The following COMMD9 variants were observed in gnomAD, a reference collection of about 807,000 sequenced individuals.
COMMD9 encodes the protein COMM domain containing 9.
COMMD9 carries 22 observed loss-of-function variants against 23.4 expected under a neutral mutation model. The observed-to-expected ratio is 0.94, with a 90% CI of 0.67 to 1.34. The LOEUF is 1.34. COMMD9 is among the 40% of genes most tolerant of loss of function. The pLI is 0.00. For missense variants in COMMD9, 231 were observed against 240.2 expected (o/e 0.96, Z 0.25); for synonymous variants, 99 against 97.4 (o/e 1.02, Z -0.10).
At chr11:36,289,339 C>G (rs1856227814) in intron 1 of COMMD9, 23 bp downstream of exon 1, 1 of 1,548,574 alleles carries the variant, frequency 6.5e-7, no homozygotes, top group South Asian at 1.2e-5. Context: ...CCACCTCACG[C>G]TGTCCCCACC....
At chr11:36,286,115 A>G (rs943430563) in intron 1 of COMMD9, among the ~76,000 whole-genome samples, 2 of 152,234 alleles carry the variant, frequency 1.3e-5, no homozygotes, top group Admixed American at 1.3e-4. Flanking sequence ...TGTAAATAAC[A>G]TGATTTTCCA....
intron 2 of COMMD9, among the ~76,000 whole-genome samples, chr11:36,279,175 G>A (rs1014621052): frequency 6.6e-6 from 1 of 152,190 alleles, no homozygotes; most frequent in Admixed American, 6.5e-5. Flanking sequence ...ATCCAGGGTG[G>A]TAGGATTCAT....
chr11:36,276,953 C>CCACCATACA, intron 4 of COMMD9, 136 bp downstream of exon 4: 2 of 536,696 alleles, frequency 3.7e-6, no homozygotes, highest in Non-Finnish European at 3.0e-6. Context: ...GGGAAAAAAC[C>CCACCATACA]CACCATACAC....
intron 2 of COMMD9, 31 bp downstream of exon 2, chr11:36,280,681 G>C: frequency 6.5e-7 from 1 of 1,538,302 alleles, no homozygotes; most frequent in Non-Finnish European, 8.8e-7. Flanking sequence ...AAGAGGGCCA[G>C]TGGCCAAAGA....
At chr11:36,285,189 TC>T (rs1856131140) in intron 1 of COMMD9, among the ~76,000 whole-genome samples, 1 of 152,052 alleles carries the variant, frequency 6.6e-6, no homozygotes, top group Non-Finnish European at 1.5e-5. Context: ...TTATCACAGA[TC>T]CTGCAGACAT....
At chr11:36,281,034 A>G (rs116142995) in intron 1 of COMMD9, among the ~76,000 whole-genome samples, 197 bp from the exon 2 acceptor site, 169 of 152,332 alleles carry the variant, frequency 1.1e-3, no homozygotes, top group African/African-American at 3.8e-3. Context: ...AACTTTGGAC[A>G]TATACAGAAA....
chr11:36,279,167 C>G (rs1276351878), intron 2 of COMMD9, among the ~76,000 whole-genome samples: 1 of 152,130 alleles, frequency 6.6e-6, no homozygotes, highest in Non-Finnish European at 1.5e-5. Flanking sequence ...GGTCTTGAAT[C>G]CAGGGTGGTA....
chr11:36,287,046 A>T (rs1856170589), intron 1 of COMMD9, among the ~76,000 whole-genome samples: 1 of 151,450 alleles, frequency 6.6e-6, no homozygotes, highest in Non-Finnish European at 1.5e-5. Flanking sequence ...AGTATGCTAT[A>T]TATGTATACT....
At chr11:36,286,618 A>C (rs769064953) in intron 1 of COMMD9, among the ~76,000 whole-genome samples, 17 of 151,894 alleles carry the variant, frequency 1.1e-4, no homozygotes, top group Non-Finnish European at 1.8e-4. Context: ...ACAAACAAAC[A>C]AACCAAAAAA....
chr11:36,272,573 G>A lies in COMMD9; in HGVS notation c.*2059C>T, dbSNP rs976095218. ...AGCTCAACTGGAGGGTATGACCAGG[G>A]GCTCTCAACTTGGAAGTAGCGGGCT... On this transcript the variant is annotated 3_prime_UTR_variant, in exon 6 of 6. Transcript: ENST00000263401. 2 of 152,236 alleles carry A rather than the reference G, an allele frequency of 1.3e-5. No individual in the cohort carries two copies. The highest frequency in any genetic ancestry group is 1.3e-4 in the Admixed American group (2 of 15,282). 9.4% of individuals were successfully genotyped at this position (152,236 alleles called of 1,614,324 possible).
In COMMD9 at chr11:36,277,123, C is replaced by T. The variant is rs1174979926; in HGVS notation, c.318G>A (p.Val106=). 1.3e-6 allele frequency: 2 copies of T among 1,596,526 alleles called. No individual in the cohort carries two copies. The highest frequency in any genetic ancestry group is 8.5e-7 in the Non-Finnish European group (1 of 1,171,610). The change falls in exon 4 of 6, where the codon GTG becomes GTA. Residue 106 remains valine, a splice_region_variant and synonymous_variant. Coordinates refer to ENST00000263401, the MANE Select transcript of COMMD9 (RefSeq NM_014186.4). The part of the protein sequence containing the change: ...NLLTKIILEH[V]STWRTEAQAN... ...CCTGGGCTTCGGTTCTCCAAGTAGA[C>T]CTGTTTAAGAGGGAAAGATGAGGAA...
intron 1 of COMMD9, among the ~76,000 whole-genome samples, chr11:36,284,973 A>G (rs961910865): frequency 3.3e-5 from 5 of 152,202 alleles, no homozygotes; most frequent in Non-Finnish European, 5.9e-5. Context: ...AAGAACCTAT[A>G]AACAGGAAAG....
Position 36,280,775 on chromosome 11 carries a change from G to A in COMMD9, c.114C>T (p.Gly38=). ...ATGTAACATCCAAGAGTTTTTTCAA[G>A]CCAAGGGCTGAACTGGAAAAGCTTT... ...CQESFSSSAL[G]LKKLLDVTCS... The change falls in exon 2 of 6, where the codon GGC becomes GGT. Residue 38 remains glycine (G), a synonymous_variant. Coordinates refer to ENST00000263401, the MANE Select transcript of COMMD9 (RefSeq NM_014186.4). 1 of 1,610,384 alleles carries A rather than the reference G, an allele frequency of 6.2e-7. No individual in the cohort carries two copies. The highest frequency in any genetic ancestry group is 8.5e-7 in the Non-Finnish European group (1 of 1,177,666).
chr11:36,276,295 TTATTG>T (rs1855972185), intron 4 of COMMD9, 55 bp from the exon 5 acceptor site: 1 of 1,290,668 alleles, frequency 7.7e-7, no homozygotes, highest in Non-Finnish European at 1.1e-6. Context: ...TACCAAGCAT[TTATTG>T]TACGACAGGC....
At chr11:36,276,267 G>A in intron 4 of COMMD9, 27 bp from the exon 5 acceptor site, 2 of 1,505,430 alleles carry the variant, frequency 1.3e-6, no homozygotes, top group Non-Finnish European at 1.9e-6. Context: ...TCAGCTCAAT[G>A]CTCATGCCGC....
chr11:36,278,629 C>T lies in COMMD9; in HGVS notation c.178-13G>A, dbSNP rs534090084. The T allele has an allele frequency of 4.7e-5, 75 of 1,612,648 alleles. No homozygotes were observed. Among genetic ancestry groups the T allele is most frequent in the Middle Eastern group, 1.7e-4 (1 of 6,048 alleles). On this transcript the variant is annotated splice_polypyrimidine_tract_variant and intron_variant, in intron 2 of 5. Transcript: ENST00000263401. ...GAGCCTGGAGCAGCTGCAAGATAAA[C>T]GGAACCACCTGTAGCTGTAACAGAA...
chr11:36,285,864 A>G (rs1317838487), intron 1 of COMMD9, among the ~76,000 whole-genome samples: 1 of 152,200 alleles, frequency 6.6e-6, no homozygotes, highest in East Asian at 1.9e-4. Context: ...CCTGAGAAAA[A>G]TAGGAATAGA....
chr11:36,277,062 G>A (rs1195734062), intron 4 of COMMD9, 27 bp downstream of exon 4: 2 of 1,592,080 alleles, frequency 1.3e-6, no homozygotes, highest in Admixed American at 3.5e-5. Flanking sequence ...CAAGTAAGAA[G>A]GGAGGGGCAG....
Position 36,278,452 on chromosome 11 carries a change from G to A in COMMD9, c.317+25C>T, listed in dbSNP as rs369329841. On this transcript the variant is annotated intron_variant, in intron 3 of 5. Coordinates refer to ENST00000263401, the MANE Select transcript of COMMD9 (RefSeq NM_014186.4). ...TAATAAGAAATGTAAAAGTTAGAAG[G>A]GACTTTCAAGAAATGAGCACTTACA... 5.7e-6 allele frequency: 9 copies of A among 1,588,420 alleles called. No individual in the cohort carries two copies. In the African/African-American group the frequency reaches 1.2e-4, roughly 21 times the overall value.
Sources: allele counts gnomAD v4.1 joint callset (sites outside exome capture counted in the v4.1 genomes callset), GRCh38; gene constraint gnomAD v4.1.1; transcripts MANE v1.5; gene names NCBI Gene and HGNC (gene_info 2026-07-23, HGNC 2026-07-21).